The following PHYHIPL variants were observed in gnomAD, a reference collection of about 807,000 sequenced individuals.
PHYHIPL encodes the protein phytanoyl-CoA 2-hydroxylase interacting protein like.
Under a neutral mutation model 33.4 loss-of-function variants are expected in PHYHIPL, and 9 were observed. The ratio of observed to expected loss-of-function variants is 0.27; its 90% confidence interval spans 0.16 to 0.47. The LOEUF (loss-of-function observed/expected upper bound fraction) is 0.47, where lower values mean the gene tolerates loss of function less well. Ranked by LOEUF, PHYHIPL falls within the 20% of genes least tolerant of loss-of-function variation. PHYHIPL has a pLI of 0.99. For synonymous variants in PHYHIPL, 153 were observed against 154.1 expected (o/e 0.99, Z 0.05); for missense variants, 365 against 460.7 (o/e 0.79, Z 1.90).
intron 1 of PHYHIPL, among the ~76,000 whole-genome samples, chr10:59,233,027 T>C (rs1840122854): frequency 6.6e-6 from 1 of 151,962 alleles, no homozygotes. Flanking sequence ...TGAAGTAGTT[T>C]TTCCAGGAGT....
At chr10:59,215,734 T>C (rs893979770) in intron 1 of PHYHIPL, among the ~76,000 whole-genome samples, 1 of 151,996 alleles carries the variant, frequency 6.6e-6, no homozygotes, top group African/African-American at 2.4e-5. Context: ...TCTAGAAGGC[T>C]TCTCTAAGTA....
At chr10:59,238,291 A>G (rs1232908258) in intron 3 of PHYHIPL, among the ~76,000 whole-genome samples, 1 of 151,944 alleles carries the variant, frequency 6.6e-6, no homozygotes, top group Non-Finnish European at 1.5e-5. Flanking sequence ...AATGGATATT[A>G]CTTGGGTTAT....
intron 1 of PHYHIPL, among the ~76,000 whole-genome samples, chr10:59,224,495 C>CAAAACAAAACA (rs1393568904): frequency 1.9e-5 from 1 of 53,576 alleles, no homozygotes; most frequent in Non-Finnish European, 5.7e-5. Flanking sequence ...CAAAACAAAA[C>CAAAACAAAACA]AAAAAACAAA....
chr10:59,188,412 C>G (rs958681275), intron 1 of PHYHIPL, among the ~76,000 whole-genome samples: 2 of 151,934 alleles, frequency 1.3e-5, no homozygotes, highest in African/African-American at 4.8e-5. Flanking sequence ...GGAATAGGTG[C>G]GGTGTGGTGC....
At chr10:59,211,000 T>TTACAG (rs1387760936) in intron 1 of PHYHIPL, among the ~76,000 whole-genome samples, 1 of 151,802 alleles carries the variant, frequency 6.6e-6, no homozygotes, top group Non-Finnish European at 1.5e-5. Context: ...GTGTGGCCAG[T>TTACAG]GTATACCTAT....
chr10:59,179,183 G>A (rs1408473832), intron 1 of PHYHIPL, among the ~76,000 whole-genome samples: 1 of 152,140 alleles, frequency 6.6e-6, no homozygotes, highest in Non-Finnish European at 1.5e-5. Context: ...TAATAGAACA[G>A]CATATGAAAT....
intron 3 of PHYHIPL, among the ~76,000 whole-genome samples, 183 bp downstream of exon 3, chr10:59,236,840 CAGT>C (rs1409153581): frequency 1.3e-5 from 2 of 151,990 alleles, no homozygotes; most frequent in East Asian, 3.9e-4. Context: ...CTGAAGTTCT[CAGT>C]AGAAAAATCT....
intron 1 of PHYHIPL, among the ~76,000 whole-genome samples, chr10:59,225,676 G>A (rs1839903614): frequency 6.6e-6 from 1 of 151,966 alleles, no homozygotes; most frequent in Non-Finnish European, 1.5e-5. Flanking sequence ...TTTCTTTGCT[G>A]TGATTCTCCA....
chr10:59,219,835 A>G (rs1054992597), intron 1 of PHYHIPL, among the ~76,000 whole-genome samples: 1 of 152,144 alleles, frequency 6.6e-6, no homozygotes, highest in African/African-American at 2.4e-5. Context: ...CTTCAAATGT[A>G]TAGTTTCCTC....
At chr10:59,174,182 C>T (rs1838213877), upstream of PHYHIPL, among the ~76,000 whole-genome samples, 1 of 151,984 alleles carries the variant, frequency 6.6e-6, no homozygotes, top group Admixed American at 6.6e-5. Context: ...CACAACCCCT[C>T]ACCCTACATC....
At chr10:59,241,802 A>T (rs1840405460) in intron 4 of PHYHIPL, among the ~76,000 whole-genome samples, 1 of 152,138 alleles carries the variant, frequency 6.6e-6, no homozygotes, top group Non-Finnish European at 1.5e-5. Context: ...TCTTCACTCA[A>T]GAAACAGTCA....
intron 4 of PHYHIPL, among the ~76,000 whole-genome samples, chr10:59,241,231 TATC>T (rs1214081565): frequency 6.6e-6 from 1 of 152,134 alleles, no homozygotes; most frequent in East Asian, 1.9e-4. Flanking sequence ...CCATTTTAAA[TATC>T]ATCTTGTTAT....
chr10:59,192,314 G>C (rs764821975), intron 1 of PHYHIPL, among the ~76,000 whole-genome samples: 6 of 152,056 alleles, frequency 3.9e-5, no homozygotes, highest in Non-Finnish European at 8.8e-5. Context: ...TAAGTCATTG[G>C]TCAGTGGTTC....
At chr10:59,238,899 C>T (rs1253160428) in intron 4 of PHYHIPL, 194 bp downstream of exon 4, 3 of 478,252 alleles carry the variant, frequency 6.3e-6, no homozygotes, top group East Asian at 3.6e-5. Flanking sequence ...ACTTAGATTC[C>T]TTTCCATAAT....
intron 1 of PHYHIPL, among the ~76,000 whole-genome samples, chr10:59,201,416 T>G (rs1238727871): frequency 1.3e-5 from 2 of 152,224 alleles, no homozygotes; most frequent in African/African-American, 4.8e-5. Context: ...CACTGTGGTC[T>G]GAGAGACAAT....
intron 1 of PHYHIPL, among the ~76,000 whole-genome samples, chr10:59,203,485 G>C (rs377601463): frequency 6.6e-6 from 1 of 152,050 alleles, no homozygotes; most frequent in Non-Finnish European, 1.5e-5. Context: ...TATTGTGGCA[G>C]TATTCACAAT....
At chr10:59,221,711 G>A (rs1839782154) in intron 1 of PHYHIPL, 2 of 983,352 alleles carry the variant, frequency 2.0e-6, no homozygotes, top group Non-Finnish European at 1.2e-6. Context: ...GCACCACAGA[G>A]ATAAACAAGT....
At chr10:59,198,251 G>A (rs1838982655) in intron 1 of PHYHIPL, among the ~76,000 whole-genome samples, 2 of 150,650 alleles carry the variant, frequency 1.3e-5, no homozygotes, top group Non-Finnish European at 2.9e-5. Context: ...CCCTTCCTGT[G>A]TCCAAGTGTT....
At chr10:59,240,181 T>G (rs1030520207) in intron 4 of PHYHIPL, among the ~76,000 whole-genome samples, 5 of 152,088 alleles carry the variant, frequency 3.3e-5, no homozygotes, top group African/African-American at 1.2e-4. Context: ...AGTCCATATA[T>G]TTCCTGGTAG....
Sources: allele counts gnomAD v4.1 joint callset (sites outside exome capture counted in the v4.1 genomes callset), GRCh38; gene constraint gnomAD v4.1.1; transcripts MANE v1.5; gene names NCBI Gene and HGNC (gene_info 2026-07-23, HGNC 2026-07-21).